H1-6: variants seen among roughly 807,000 people sequenced by gnomAD.
The protein encoded by H1-6 is histone H1t.
For missense variants in H1-6, 538 were observed against 246.5 expected (o/e 2.18, Z -7.92); for synonymous variants, 225 against 100.1 (o/e 2.25, Z -7.45).
In H1-6 at chr6:26,107,423, TAA is replaced by T. The variant is rs1210540830; in HGVS notation, c.*45_*46del. The T allele has an allele frequency of 1.3e-6, 2 of 1,521,520 alleles. No homozygotes were observed. The highest frequency in any genetic ancestry group is 1.4e-5 in the African/African-American group (1 of 71,670). 94.3% of individuals were successfully genotyped at this position (1,521,520 alleles called of 1,614,324 possible). ...ATCTTAAAATAATGTGGGTGGCTCTTAAAAGAGCCTTTGGGTTCTTTCCAAAT... is the reference window on the plus strand; with the variant it reads ...ATCTTAAAATAATGTGGGTGGCTCTTAAGAGCCTTTGGGTTCTTTCCAAAT... On this transcript the variant is annotated 3_prime_UTR_variant, in exon 1 of 1. Transcript: ENST00000338379.
Position 26,108,128 on chromosome 6 carries a change from A to T in H1-6, c.-35T>A. ...GAAACGCAAGATGTAATAACCAGCG[A>T]AAAGCATGAAACACCCGGGCGGCCT... On this transcript the variant is annotated 5_prime_UTR_variant, in exon 1 of 1. Transcript: ENST00000338379. 1 of 1,602,010 alleles carries T rather than the reference A, an allele frequency of 6.2e-7. No homozygotes were observed. Among genetic ancestry groups the T allele is most frequent in the Non-Finnish European group, 8.5e-7 (1 of 1,173,978 alleles).
chr6:26,108,005 G>C lies in H1-6; in HGVS notation c.89C>G (p.Ala30Gly), dbSNP rs753613931. The C allele has an allele frequency of 3.1e-6, 5 of 1,614,240 alleles. No homozygotes were observed. The highest frequency in any genetic ancestry group is 4.2e-6 in the Non-Finnish European group (5 of 1,180,046). The change falls in exon 1 of 1, where the codon GCT becomes GGT. Residue 30 changes from alanine (A) to glycine (G), a missense_variant. Transcript: ENST00000338379. ...LPTKKRGRKP[A>G]GLISASRKVP... is the part of the protein sequence containing the mutation. ...TTTGCGACTTGCACTTATCAAGCCA[G>C]CCGGCTTCCTCCCTCGCTTCTTGGT...
rs753573888 is a variant in H1-6 at position 26,107,786 on chromosome 6, G to A, written c.308C>T (p.Thr103Ile). 3.7e-6 allele frequency: 6 copies of A among 1,614,084 alleles called. No individual in the cohort carries two copies. Among genetic ancestry groups the A allele is most frequent in the African/African-American group, 1.3e-5 (1 of 74,930 alleles). Residue 103 changes from threonine to isoleucine, a missense_variant, in exon 1 of 1, where the codon ACT becomes ATT. Thr to Ile is a moderately conservative substitution (Grantham distance 89). Transcript: ENST00000338379. The stretch of plus-strand genomic sequence containing the variant: ...AAGCTTAAAGGAACCGGAAGCACCA[G>A]TACCCCTGGTTTGCACCAGGATTCC... Reference protein sequence around the residue: ...NKGILVQTRGTGASGSFKLSK... With the variant: ...NKGILVQTRGIGASGSFKLSK...
In H1-6 at chr6:26,107,895, T is replaced by G; in HGVS notation, c.199A>C (p.Lys67Gln). Reference protein sequence around the residue: ...ERVGMSLVALKKALAAAGYDV... With the variant: ...ERVGMSLVALQKALAAAGYDV... ...TAGCCAGCAGCGGCCAATGCCTTCT[T>G]GAGCGCAACCAAAGACATACCTACT... is the stretch of plus-strand genomic sequence containing the variant. Residue 67 changes from lysine to glutamine, a missense_variant, in exon 1 of 1, where the codon AAG (lysine) becomes CAG (glutamine). Transcript: ENST00000338379. The G allele has an allele frequency of 6.2e-7, 1 of 1,614,210 alleles. No homozygotes were observed. The highest frequency in any genetic ancestry group is 8.5e-7 in the Non-Finnish European group (1 of 1,180,050).
In H1-6 at chr6:26,107,455, C is replaced by T. The variant is rs371920374; in HGVS notation, c.*15G>A. 3.2e-6 allele frequency: 5 copies of T among 1,565,874 alleles called. No homozygotes were observed. Among genetic ancestry groups the T allele is most frequent in the African/African-American group, 2.8e-5 (2 of 72,260 alleles). On this transcript the variant is annotated 3_prime_UTR_variant, in exon 1 of 1. Coordinates refer to ENST00000338379, the MANE Select transcript of H1-6 (RefSeq NM_005323.4). The stretch of plus-strand genomic sequence containing the variant: ...GCCTTTGGGTTCTTTCCAAATTGGC[C>T]TCCCGGAAAGCTCTTTACTTCTTAG...
Position 26,107,607 on chromosome 6 carries a change from T to G in H1-6, c.487A>C (p.Thr163Pro). The G allele has an allele frequency of 6.2e-7, 1 of 1,614,110 alleles. No homozygotes were observed. Among genetic ancestry groups the G allele is most frequent in the Non-Finnish European group, 8.5e-7 (1 of 1,180,016 alleles). ...AKKPRATTPK[T>P]VRSGRKAKGA... ...TTAGCCTTTCTCCCGCTCCTAACAG[T>G]TTTAGGAGTTGTCGCTCTCGGCTTC... The change falls in exon 1 of 1, where the codon ACT becomes CCT. Residue 163 changes from threonine to proline, a missense_variant. Thr to Pro is a conservative substitution (Grantham distance 38). Coordinates refer to ENST00000338379, the MANE Select transcript of H1-6 (RefSeq NM_005323.4).
Position 26,107,631 on chromosome 6 carries a change from T to G in H1-6, c.463A>C (p.Lys155Gln). Residue 155 changes from lysine (K) to glutamine (Q), a missense_variant, in exon 1 of 1, where the codon AAG becomes CAG. By Grantham distance (53) the Lys-to-Gln change is moderately conservative. Transcript: ENST00000338379. ...KTAKTNKRAK[K>Q]PRATTPKTVR... is the part of the protein sequence containing the mutation. Reference sequence around the variant, plus strand: ...GTTTTAGGAGTTGTCGCTCTCGGCTTCTTGGCTCTCTTATTGGTTTTAGCA... The same window carrying G: ...GTTTTAGGAGTTGTCGCTCTCGGCTGCTTGGCTCTCTTATTGGTTTTAGCA... 1 of 1,614,214 alleles carries G rather than the reference T, an allele frequency of 6.2e-7. No homozygotes were observed. The highest frequency in any genetic ancestry group is 8.5e-7 in the Non-Finnish European group (1 of 1,180,024).
chr6:26,107,995 T>TA lies in H1-6; in HGVS notation c.98dup (p.Ser34LysfsTer48). 3 of 1,614,212 alleles carry TA rather than the reference T, an allele frequency of 1.9e-6. No homozygotes were observed. The highest frequency in any genetic ancestry group is 2.5e-6 in the Non-Finnish European group (3 of 1,180,044). The stretch of plus-strand genomic sequence containing the variant: ...GGTTCGGCACTTTGCGACTTGCACT[T>TA]ATCAAGCCAGCCGGCTTCCTCCCTC... On this transcript the variant is annotated frameshift_variant, in exon 1 of 1. Coordinates refer to ENST00000338379, the MANE Select transcript of H1-6 (RefSeq NM_005323.4). LOFTEE classifies it low-confidence loss of function (END_TRUNC).
chr6:26,107,996 A>T lies in H1-6; in HGVS notation c.98T>A (p.Ile33Lys), dbSNP rs1763307058. Residue 33 changes from isoleucine (I) to lysine (K), a missense_variant, in exon 1 of 1, where the codon ATA (isoleucine) becomes AAA (lysine). By Grantham distance (102) the Ile-to-Lys change is moderately radical (BLOSUM62 -3). Coordinates refer to ENST00000338379, the MANE Select transcript of H1-6 (RefSeq NM_005323.4). ...KKRGRKPAGL[I>K]SASRKVPNLS... The stretch of plus-strand genomic sequence containing the variant: ...GTTCGGCACTTTGCGACTTGCACTT[A>T]TCAAGCCAGCCGGCTTCCTCCCTCG... The T allele has an allele frequency of 1.2e-6, 2 of 1,614,188 alleles. No homozygotes were observed. The highest frequency in any genetic ancestry group is 1.7e-6 in the Non-Finnish European group (2 of 1,180,040).
Position 26,107,701 on chromosome 6 carries a change from C to G in H1-6, c.393G>C (p.Lys131Asn). 1.9e-6 allele frequency: 3 copies of G among 1,614,170 alleles called. No homozygotes were observed. The highest frequency in any genetic ancestry group is 2.5e-6 in the Non-Finnish European group (3 of 1,180,046). ...CCCTGGATAAAACCAGCTTCTTGGT[C>G]TTGGCAGAAACTGACTTTTTAGCCT... ...RSKAKKSVSA[K>N]TKKLVLSRDS... The change falls in exon 1 of 1, where the codon AAG (lysine) becomes AAC (asparagine). Residue 131 changes from lysine to asparagine, a missense_variant. Physicochemically the swap from Lys to Asn is moderately conservative, Grantham distance 94. Coordinates refer to ENST00000338379, the MANE Select transcript of H1-6 (RefSeq NM_005323.4).
Position 26,108,104 on chromosome 6 carries a change from A to T in H1-6, c.-11T>A, listed in dbSNP as rs770997575. The T allele has an allele frequency of 4.3e-6, 7 of 1,612,144 alleles. No individual in the cohort carries two copies. In the Admixed American group the frequency reaches 1.0e-4, roughly 23 times the overall value. On this transcript the variant is annotated 5_prime_UTR_variant, in exon 1 of 1. Coordinates refer to ENST00000338379, the MANE Select transcript of H1-6 (RefSeq NM_005323.4). ...CACGGTTTCAGACATAACAACAGAG[A>T]AACGCAAGATGTAATAACCAGCGAA...
At position 26,107,723 on chromosome 6, in the gene H1-6, G is replaced by A. The variant is rs768768402; in HGVS notation, c.371C>T (p.Ala124Val). 9 of 1,614,014 alleles carry A rather than the reference G, an allele frequency of 5.6e-6. No homozygotes were observed. Among genetic ancestry groups the A allele is most frequent in the Middle Eastern group, 1.6e-4 (1 of 6,084 alleles). The change falls in exon 1 of 1, where the codon GCT becomes GTT. Residue 124 changes from alanine (A) to valine (V), a missense_variant. By Grantham distance (64) the Ala-to-Val change is moderately conservative. Coordinates refer to ENST00000338379, the MANE Select transcript of H1-6 (RefSeq NM_005323.4). ...KVIPKSTRSK[A>V]KKSVSAKTKK... Reference sequence around the variant, plus strand: ...GGTCTTGGCAGAAACTGACTTTTTAGCCTTGCTTCTGGTAGATTTAGGAAT... The same window carrying A: ...GGTCTTGGCAGAAACTGACTTTTTAACCTTGCTTCTGGTAGATTTAGGAAT...
chr6:26,107,461 G>C lies in H1-6; in HGVS notation c.*9C>G, dbSNP rs1561950607. 6.4e-7 allele frequency: 1 copy of C among 1,573,644 alleles called. No individual in the cohort carries two copies. Among genetic ancestry groups the C allele is most frequent in the South Asian group, 1.2e-5 (1 of 83,748 alleles). On this transcript the variant is annotated 3_prime_UTR_variant, in exon 1 of 1. Coordinates refer to ENST00000338379, the MANE Select transcript of H1-6 (RefSeq NM_005323.4). ...GGGTTCTTTCCAAATTGGCCTCCCGGAAAGCTCTTTACTTCTTAGATGTGG... is the reference window on the plus strand; with the variant it reads ...GGGTTCTTTCCAAATTGGCCTCCCGCAAAGCTCTTTACTTCTTAGATGTGG...
In H1-6 at chr6:26,107,514, G is replaced by A. The variant is rs748982352; in HGVS notation, c.580C>T (p.Gln194Ter). The A allele has an allele frequency of 6.2e-7, 1 of 1,610,062 alleles. No individual in the cohort carries two copies. The highest frequency in any genetic ancestry group is 1.7e-5 in the Admixed American group (1 of 59,002). ...TTTCTAACATTAACTTCATGATGTTGGGTCAATTTTGACTTCGAAGCCCTT... is the reference window on the plus strand; with the variant it reads ...TTTCTAACATTAACTTCATGATGTTAGGTCAATTTTGACTTCGAAGCCCTT... ...KARASKSKLT[Q>*]HHEVNVRKAT... The change falls in exon 1 of 1, where the codon CAA (glutamine) becomes TAA (stop). Residue 194 changes from glutamine to a stop codon, truncating the protein, a stop_gained. Coordinates refer to ENST00000338379, the MANE Select transcript of H1-6 (RefSeq NM_005323.4). LOFTEE classifies it low-confidence loss of function (END_TRUNC).
chr6:26,107,527 C>T lies in H1-6; in HGVS notation c.567G>A (p.Lys189=), dbSNP rs747513553. ...CTTCATGATGTTGGGTCAATTTTGA[C>T]TTCGAAGCCCTTGCCTTCACTGGGC... ...QKSPVKARAS[K]SKLTQHHEVN... The change falls in exon 1 of 1, where the codon AAG becomes AAA. Residue 189 remains lysine (K), a synonymous_variant. Transcript: ENST00000338379. 6.2e-7 allele frequency: 1 copy of T among 1,612,736 alleles called. No homozygotes were observed. The highest frequency in any genetic ancestry group is 2.2e-5 in the East Asian group (1 of 44,880).
chr6:26,107,443 T>C lies in H1-6; in HGVS notation c.*27A>G, dbSNP rs1763268580. The C allele has an allele frequency of 1.9e-6, 3 of 1,558,166 alleles. No individual in the cohort carries two copies. Among genetic ancestry groups the C allele is most frequent in the Admixed American group, 4.3e-5 (2 of 46,526 alleles). ...GCTCTTAAAAGAGCCTTTGGGTTCT[T>C]TCCAAATTGGCCTCCCGGAAAGCTC... On this transcript the variant is annotated 3_prime_UTR_variant, in exon 1 of 1. Coordinates refer to ENST00000338379, the MANE Select transcript of H1-6 (RefSeq NM_005323.4).
rs747513553 is a variant in H1-6, at chr6:26,107,527, C to A, written c.567G>T (p.Lys189Asn). The change falls in exon 1 of 1, where the codon AAG becomes AAT. Residue 189 changes from lysine to asparagine, a missense_variant. Lys to Asn is a moderately conservative substitution (Grantham distance 94). Transcript: ENST00000338379. The stretch of plus-strand genomic sequence containing the variant: ...CTTCATGATGTTGGGTCAATTTTGA[C>A]TTCGAAGCCCTTGCCTTCACTGGGC... ...QKSPVKARAS[K>N]SKLTQHHEVN... 3.1e-6 allele frequency: 5 copies of A among 1,612,736 alleles called. No individual in the cohort carries two copies. In the Admixed American group the frequency reaches 8.4e-5, roughly 27 times the overall value.
At position 26,107,599 on chromosome 6, in the gene H1-6, C is replaced by T. The variant is rs753699150; in HGVS notation, c.495G>A (p.Arg165=). The T allele has an allele frequency of 5.0e-6, 8 of 1,614,136 alleles. 1 individual carries two copies. In the South Asian group the frequency reaches 7.7e-5, roughly 16 times the overall value. The change falls in exon 1 of 1, where the codon AGG becomes AGA. Residue 165 remains arginine, a synonymous_variant. Coordinates refer to ENST00000338379, the MANE Select transcript of H1-6 (RefSeq NM_005323.4). ...KPRATTPKTV[R]SGRKAKGAKG... ...TGGCTCCTTTAGCCTTTCTCCCGCT[C>T]CTAACAGTTTTAGGAGTTGTCGCTC... is the stretch of plus-strand genomic sequence containing the variant.
Position 26,108,083 on chromosome 6 carries a change from G to C in H1-6, c.11C>G (p.Thr4Ser). The C allele has an allele frequency of 1.2e-6, 2 of 1,613,914 alleles. No individual in the cohort carries two copies. Among genetic ancestry groups the C allele is most frequent in the African/African-American group, 1.3e-5 (1 of 75,042 alleles). The change falls in exon 1 of 1, where the codon ACC (threonine) becomes AGC (serine). Residue 4 changes from threonine (T) to serine (S), a missense_variant. Coordinates refer to ENST00000338379, the MANE Select transcript of H1-6 (RefSeq NM_005323.4). Reference sequence around the variant, plus strand: ...AGCACTGGCAGAAGCTGCAGGCACGGTTTCAGACATAACAACAGAGAAACG... The same window carrying C: ...AGCACTGGCAGAAGCTGCAGGCACGCTTTCAGACATAACAACAGAGAAACG... MSE[T>S]VPAASASAGV...
Sources: gnomAD v4.1 joint callset for allele counts on GRCh38, gnomAD v4.1.1 for gene constraint, MANE v1.5 for transcripts, NCBI Gene and HGNC (gene_info 2026-07-23, HGNC 2026-07-21) for gene names.